The following CCNY variants were observed in gnomAD, a reference collection of about 807,000 sequenced individuals.
CCNY encodes the protein cyclin-Y.
In CCNY, 19 loss-of-function variants were observed where a neutral mutation model predicts 42.8. The observed-to-expected ratio is 0.44, with a 90% CI of 0.31 to 0.65. The LOEUF (loss-of-function observed/expected upper bound fraction) is 0.65, where lower values mean the gene tolerates loss of function less well. Among genes scored for constraint, CCNY ranks in the 30% least tolerant of loss-of-function variants. CCNY has a pLI of 0.07. For missense variants in CCNY, 370 were observed against 437.3 expected (o/e 0.85, Z 1.37); for synonymous variants, 165 against 162.7 (o/e 1.01, Z -0.11).
In CCNY at chr10:35,569,224, GA is replaced by G; in HGVS notation, c.*58del. ...TCCCTTAGTTTCTCCTTTAGTTTGAGAAAAGACAGACTTGGGGTGGGTTTGT... is the reference window on the plus strand; with the variant it reads ...TCCCTTAGTTTCTCCTTTAGTTTGAGAAAGACAGACTTGGGGTGGGTTTGT... On this transcript the variant is annotated 3_prime_UTR_variant, in exon 10 of 10. Coordinates refer to ENST00000374704, the MANE Select transcript of CCNY (RefSeq NM_145012.6). The G allele has an allele frequency of 9.1e-7, 1 of 1,096,810 alleles. No individual in the cohort carries two copies. The highest frequency in any genetic ancestry group is 1.4e-6 in the Non-Finnish European group (1 of 718,142). 67.9% of individuals were successfully genotyped at this position (1,096,810 alleles called of 1,614,324 possible).
rs16936052 is a variant in CCNY at position 35,468,766 on chromosome 10, C to G, written c.155-14638C>G. 2.9e-3 allele frequency among the ~76,000 whole-genome samples: 438 copies of G among 152,224 alleles called. 8 individuals carry two copies. In the East Asian group the frequency reaches 0.046, roughly 16 times the overall value. On this transcript the variant is annotated intron_variant, in intron 1 of 9. Coordinates refer to ENST00000374704, the MANE Select transcript of CCNY (RefSeq NM_145012.6). ...AATTTGGCCAATTTGGTGTGAATTT[C>G]TTTTCCAGGAGTTTTCTGGGCTACA...
intron 3 of CCNY, among the ~76,000 whole-genome samples, chr10:35,512,929 C>G (rs1049264125): frequency 6.6e-6 from 1 of 152,036 alleles, no homozygotes; most frequent in Non-Finnish European, 1.5e-5. Flanking sequence ...TCATCCTGCG[C>G]TTTGATCGTA....
intron 1 of CCNY, among the ~76,000 whole-genome samples, chr10:35,247,812 C>A (rs1383109963): frequency 7.4e-6 from 1 of 134,538 alleles, no homozygotes. Flanking sequence ...GGAGGTGGAG[C>A]TTGCAGTGAG....
At chr10:35,334,358 A>C (rs2059286163), upstream of CCNY, among the ~76,000 whole-genome samples, 3 of 152,374 alleles carry the variant, frequency 2.0e-5, no homozygotes, top group South Asian at 6.2e-4. Flanking sequence ...GCTGACTTTC[A>C]TATGTGGCCC....
intron 2 of CCNY, among the ~76,000 whole-genome samples, chr10:35,496,472 G>A (rs1434803320): frequency 6.6e-6 from 1 of 152,176 alleles, no homozygotes; most frequent in Non-Finnish European, 1.5e-5. Context: ...GACCTTTTTA[G>A]TACCAGCATC....
chr10:35,360,367 G>A (rs1020157265), intron 1 of CCNY, among the ~76,000 whole-genome samples: 2 of 147,254 alleles, frequency 1.4e-5, no homozygotes, highest in African/African-American at 5.0e-5. Context: ...GCTCACTGCA[G>A]CCTCAATCTC....
chr10:35,376,391 A>G (rs1837053024), intron 1 of CCNY, among the ~76,000 whole-genome samples: 1 of 152,258 alleles, frequency 6.6e-6, no homozygotes, highest in Admixed American at 6.5e-5. Flanking sequence ...TGATAGGCAA[A>G]AGGTGAAGAC....
At chr10:35,564,696 G>C (rs1210702744) in intron 8 of CCNY, among the ~76,000 whole-genome samples, 4 of 152,204 alleles carry the variant, frequency 2.6e-5, no homozygotes, top group Non-Finnish European at 5.9e-5. Context: ...AATGGTGACT[G>C]TGTGTTTTGG....
At position 35,526,009 on chromosome 10, in the gene CCNY, T is replaced by G. The variant is rs757962035; in HGVS notation, c.401+10T>G. On this transcript the variant is annotated intron_variant, in intron 5 of 9. Coordinates refer to ENST00000374704, the MANE Select transcript of CCNY (RefSeq NM_145012.6). ...ATCACATCAAAAACAGGTATGTGGA[T>G]GGTTGTGTGCTAAAAACATCATACG... 2 of 1,608,516 alleles carry G rather than the reference T, an allele frequency of 1.2e-6. No homozygotes were observed. Among genetic ancestry groups the G allele is most frequent in the South Asian group, 2.2e-5 (2 of 90,348 alleles).
In CCNY at chr10:35,345,963, G is replaced by C. The variant is rs1308371296; in HGVS notation, c.154+8756G>C. On this transcript the variant is annotated intron_variant, in intron 1 of 9. Coordinates refer to ENST00000374704, the MANE Select transcript of CCNY (RefSeq NM_145012.6). The stretch of plus-strand genomic sequence containing the variant: ...CTCCTGGGGTAATGGAACCCACCCA[G>C]GCTGTCTGCTAACTGTGTCCCCGGA... 5.3e-5 allele frequency among the ~76,000 whole-genome samples: 8 copies of C among 152,166 alleles called. No individual in the cohort carries two copies. The East Asian group carries it at 1.5e-3, about 29-fold the overall frequency.
chr10:35,534,226 A>G (rs545450462), intron 7 of CCNY, among the ~76,000 whole-genome samples: 3 of 152,258 alleles, frequency 2.0e-5, no homozygotes, highest in East Asian at 3.9e-4. Context: ...GGGTTTCACC[A>G]TGTTGGCCAG....
At chr10:35,446,961 A>G (rs1158805698) in intron 1 of CCNY, among the ~76,000 whole-genome samples, 1 of 152,252 alleles carries the variant, frequency 6.6e-6, no homozygotes, top group Non-Finnish European at 1.5e-5. Context: ...TGGAAAACAT[A>G]TAGTTACCAT....
At chr10:35,541,473 C>T (rs1454771394) in intron 7 of CCNY, among the ~76,000 whole-genome samples, 1 of 152,224 alleles carries the variant, frequency 6.6e-6, no homozygotes, top group African/African-American at 2.4e-5. Flanking sequence ...TCATGGCTCT[C>T]TGCAGTCTCA....
At chr10:35,494,046 C>T (rs1839954952) in intron 2 of CCNY, among the ~76,000 whole-genome samples, 1 of 152,148 alleles carries the variant, frequency 6.6e-6, no homozygotes, top group East Asian at 1.9e-4. Flanking sequence ...CTTCTGTGCA[C>T]TGCTGTGCCC....
At chr10:35,248,705 G>A (rs1009800376) in intron 2 of CCNY, among the ~76,000 whole-genome samples, 1 of 151,988 alleles carries the variant, frequency 6.6e-6, no homozygotes, top group South Asian at 2.1e-4. Flanking sequence ...GGTGCAGTGT[G>A]GCTCAAACCT....
At chr10:35,541,592 G>T (rs1841001753) in intron 7 of CCNY, among the ~76,000 whole-genome samples, 1 of 152,132 alleles carries the variant, frequency 6.6e-6, no homozygotes, top group Admixed American at 6.6e-5. Context: ...TAGAGACTGG[G>T]TCTTGCTGTG....
chr10:35,273,584 C>T lies in CCNY; in HGVS notation c.-9+22958C>T, dbSNP rs192919956. ...TGGGTTCCAATCTAGGATGGGCTTG[C>T]TGGAGCGCTCTTGGGGAGGATAGAG... On this transcript the variant is annotated intron_variant, in intron 3 of 11. Coordinates refer to the CCNY transcript ENST00000374706. Among the ~76,000 whole-genome samples the T allele has an allele frequency of 4.5e-4, 69 of 152,192 alleles. 1 individual carries two copies. Among genetic ancestry groups the T allele is most frequent in the African/African-American group, 1.5e-3 (64 of 41,536 alleles).
chr10:35,518,679 G>A (rs1487315045), intron 4 of CCNY, among the ~76,000 whole-genome samples: 2 of 138,168 alleles, frequency 1.4e-5, no homozygotes, highest in Non-Finnish European at 3.0e-5. Context: ...ATTGAATCTG[G>A]CTGAGGTATA....
intron 3 of CCNY, among the ~76,000 whole-genome samples, chr10:35,265,846 G>A (rs1454901392): frequency 2.0e-5 from 3 of 152,174 alleles, no homozygotes; most frequent in Non-Finnish European, 4.4e-5. Context: ...GCCCACCAGC[G>A]TGTCACTGGC....
Sources: gnomAD v4.1 joint callset for allele counts (sites outside exome capture counted in the v4.1 genomes callset) on GRCh38, gnomAD v4.1.1 for gene constraint, MANE v1.5 for transcripts, NCBI Gene and HGNC (gene_info 2026-07-23, HGNC 2026-07-21) for gene names.